GLRX2: variants seen among roughly 807,000 people sequenced by gnomAD.
GLRX2 encodes the protein glutaredoxin 2, also known as bA101E13.1 (GRX2 glutaredoxin (thioltransferase) 2).
A neutral mutation model predicts 16.4 loss-of-function variants in GLRX2; 12 were observed. The observed-to-expected ratio is 0.73, with a 90% CI of 0.47 to 1.19. GLRX2 has a LOEUF of 1.19. Ranked by LOEUF, GLRX2 falls within the 50% of genes most tolerant of loss-of-function variation. The pLI, the probability that GLRX2 is intolerant of heterozygous loss-of-function variation, is 0.00. For missense variants in GLRX2, 201 were observed against 201.8 expected (o/e 1.00, Z 0.02); for synonymous variants, 95 against 76.2 (o/e 1.25, Z -1.28).
chr1:193,105,570 G>A (rs1433072970), upstream of GLRX2: 1 of 1,605,448 alleles, frequency 6.2e-7, no homozygotes, highest in African/African-American at 1.4e-5. Context: ...GGATTCCAGC[G>A]AGTGCCACCC....
intron 1 of GLRX2, among the ~76,000 whole-genome samples, chr1:193,101,872 GTAA>G (rs1675083860): frequency 6.6e-6 from 1 of 151,960 alleles, no homozygotes. Flanking sequence ...TTGGGAGCTT[GTAA>G]AAGGAAGCAT....
rs555971815 is a variant in GLRX2 at position 193,096,516 on chromosome 1, G to A, written c.*109C>T. The A allele has an allele frequency of 3.2e-5, 17 of 535,280 alleles. No individual in the cohort carries two copies. In the East Asian group the frequency reaches 3.4e-4, roughly 11 times the overall value. 33.2% of individuals were successfully genotyped at this position (535,280 alleles called of 1,614,324 possible). ...TGTTCATTATTTTTACATCTTCTTCGTGAAGACAATGCATGTATTTAAAAC... is the reference window on the plus strand; with the variant it reads ...TGTTCATTATTTTTACATCTTCTTCATGAAGACAATGCATGTATTTAAAAC... On this transcript the variant is annotated 3_prime_UTR_variant, in exon 4 of 4. Transcript: ENST00000367439.
At chr1:193,105,583 G>A (rs756519732), upstream of GLRX2, 1 of 1,605,768 alleles carries the variant, frequency 6.2e-7, no homozygotes, top group South Asian at 1.1e-5. Context: ...TGCCACCCAC[G>A]TGTAAACATC....
chr1:193,098,680 T>C (rs2103098245), intron 2 of GLRX2, among the ~76,000 whole-genome samples: 1 of 151,618 alleles, frequency 6.6e-6, no homozygotes, highest in South Asian at 2.1e-4. Context: ...GCCTCCCGAG[T>C]AGTTAGGATT....
Position 193,098,100 on chromosome 1 carries a change from C to T in GLRX2, c.184-340G>A, listed in dbSNP as rs967224453. On this transcript the variant is annotated intron_variant, in intron 2 of 3. Transcript: ENST00000367439. Reference sequence around the variant, plus strand: ...CCTCACTACAATCCTGAGGTAGGTCCTATTATTGTCCCCACTTCACAGTTG... The same window carrying T: ...CCTCACTACAATCCTGAGGTAGGTCTTATTATTGTCCCCACTTCACAGTTG... Among the ~76,000 whole-genome samples the T allele has an allele frequency of 6.6e-5, 10 of 152,160 alleles. 1 individual carries two copies. Among genetic ancestry groups the T allele is most frequent in the Admixed American group, 6.5e-4 (10 of 15,274 alleles).
At chr1:193,103,787 T>C (rs531208858) in intron 1 of GLRX2, among the ~76,000 whole-genome samples, 4 of 152,164 alleles carry the variant, frequency 2.6e-5, no homozygotes, top group African/African-American at 9.6e-5. Context: ...TGCTTCCTAA[T>C]AGTATTAGCA....
intron 3 of GLRX2, among the ~76,000 whole-genome samples, chr1:193,097,012 C>T (rs1558265787): frequency 6.6e-6 from 1 of 152,166 alleles, no homozygotes; most frequent in Non-Finnish European, 1.5e-5. Context: ...GATTCAAATC[C>T]AAACAATCTG....
At chr1:193,105,907 GT>G, upstream of GLRX2, 2 of 1,093,650 alleles carry the variant, frequency 1.8e-6, no homozygotes, top group Non-Finnish European at 2.2e-6. Context: ...GGATATTGGG[GT>G]TTACATCCAT....
chr1:193,098,394 G>T (rs1675003101), intron 2 of GLRX2, among the ~76,000 whole-genome samples: 1 of 151,954 alleles, frequency 6.6e-6, no homozygotes, highest in African/African-American at 2.4e-5. Flanking sequence ...CACAAAAGTT[G>T]CCAGGCATGG....
intron 2 of GLRX2, among the ~76,000 whole-genome samples, chr1:193,100,624 T>C (rs1430205534): frequency 2.0e-5 from 3 of 152,160 alleles, no homozygotes; most frequent in Non-Finnish European, 2.9e-5. Context: ...GTATGTCTTG[T>C]AGGTTGCAAG....
intron 2 of GLRX2, among the ~76,000 whole-genome samples, chr1:193,098,840 C>A (rs191088232): frequency 5.7e-4 from 86 of 152,176 alleles, no homozygotes; most frequent in Non-Finnish European, 9.9e-4. Flanking sequence ...TGTGAGCCAC[C>A]GCGCCCAGCC....
At chr1:193,105,095 C>A (rs1675159433) in intron 1 of GLRX2, 169 bp downstream of exon 1, 1 of 686,452 alleles carries the variant, frequency 1.5e-6, no homozygotes, top group East Asian at 1.3e-4. Flanking sequence ...GGGCACCCTT[C>A]CCTGCCCATC....
In GLRX2 at chr1:193,105,366, G is replaced by A; in HGVS notation, c.17C>T (p.Ala6Val). The A allele has an allele frequency of 6.5e-7, 1 of 1,546,174 alleles. No homozygotes were observed. Among genetic ancestry groups the A allele is most frequent in the South Asian group, 1.2e-5 (1 of 84,800 alleles). MIWRR[A>V]ALAGTRLVWS... ...AACCAGCCGCGTCCCCGCCAGCGCC[G>A]CGCGGCGCCAAATCATGGTCAGAGC... Residue 6 changes from alanine to valine, a missense_variant, in exon 1 of 4, where the codon GCG (alanine) becomes GTG (valine). Physicochemically the swap from Ala to Val is moderately conservative, Grantham distance 64 (BLOSUM62 0). Coordinates refer to ENST00000367439, the MANE Select transcript of GLRX2 (RefSeq NM_197962.3).
chr1:193,102,800 T>C (rs1297565343), intron 1 of GLRX2, among the ~76,000 whole-genome samples: 1 of 152,172 alleles, frequency 6.6e-6, no homozygotes, highest in Non-Finnish European at 1.5e-5. Flanking sequence ...CCAAAAACAT[T>C]ACATGGAAAA....
chr1:193,098,066 T>G (rs1674995569), intron 2 of GLRX2, among the ~76,000 whole-genome samples: 1 of 152,204 alleles, frequency 6.6e-6, no homozygotes, highest in Non-Finnish European at 1.5e-5. Context: ...CTTCACTGTG[T>G]TATTTAAACC....
chr1:193,099,485 C>T (rs940821262), intron 2 of GLRX2, among the ~76,000 whole-genome samples: 2 of 152,280 alleles, frequency 1.3e-5, no homozygotes, highest in East Asian at 3.9e-4. Context: ...GGACTACAGA[C>T]ATGTGTCACC....
intron 2 of GLRX2, 50 bp from the exon 3 acceptor site, chr1:193,097,810 GAAATA>G: frequency 7.7e-7 from 1 of 1,294,374 alleles, no homozygotes; most frequent in Non-Finnish European, 1.1e-6. Context: ...TTACCATTTG[GAAATA>G]AATTAAGATA....
upstream of GLRX2, chr1:193,106,078 ATTAT>A: frequency 1.0e-6 from 1 of 981,332 alleles, no homozygotes; most frequent in Non-Finnish European, 1.2e-6. Flanking sequence ...TGTTGACAGG[ATTAT>A]TTAAGCCACT....
At chr1:193,103,987 G>A (rs778397471) in intron 1 of GLRX2, among the ~76,000 whole-genome samples, 4 of 152,150 alleles carry the variant, frequency 2.6e-5, no homozygotes, top group Admixed American at 6.5e-5. Context: ...AAGAGCATTG[G>A]TGGAATAAAT....
Sources: gnomAD v4.1 joint callset for allele counts (sites outside exome capture counted in the v4.1 genomes callset) on GRCh38, gnomAD v4.1.1 for gene constraint, MANE v1.5 for transcripts, NCBI Gene and HGNC (gene_info 2026-07-23, HGNC 2026-07-21) for gene names.